The following TRAF3IP2 variants were observed in gnomAD, a reference collection of about 807,000 sequenced individuals.
TRAF3IP2 encodes the protein TRAF3 interacting protein 2, also known as E3 ubiquitin ligase TRAF3IP2.
In TRAF3IP2, 35 loss-of-function variants were observed where a neutral mutation model predicts 57.9. The ratio of observed to expected loss-of-function variants is 0.60; its 90% CI spans 0.46 to 0.80. The LOEUF is 0.80. Among genes scored for constraint, TRAF3IP2 ranks in the 30% least tolerant of loss-of-function variants. The pLI is 0.00. For missense variants in TRAF3IP2, 556 were observed against 706.4 expected, an observed-to-expected ratio of 0.79 and a Z score of 2.41; for synonymous variants, 251 against 268.9, an observed-to-expected ratio of 0.93 and a Z score of 0.65.
chr6:111,600,387 A>C (rs886960918), intron 1 of TRAF3IP2: 2 of 152,230 alleles, frequency 1.3e-5, no homozygotes, highest in African/African-American at 4.8e-5. Context: ...CCTAGGCCAT[A>C]AGCAGGGTAC....
rs1279272695 is a variant in TRAF3IP2, at chr6:111,571,078, CTTTTTTTTT to C, written c.1290+1808_1290+1816del. Among the ~76,000 whole-genome samples the C allele has an allele frequency of 2.3e-5, 3 of 130,762 alleles. No individual in the cohort carries two copies. In the East Asian group the frequency reaches 6.5e-4, roughly 29 times the overall value. The allele number at this position is 130,762 out of a possible 152,430, so 85.8% of individuals were successfully genotyped here. ...CACACCACCATGCCAACTTTTTTTTCTTTTTTTTTTTTTTTGAGACAGAGCCTTGCTCTG... is the reference window on the plus strand; with the variant it reads ...CACACCACCATGCCAACTTTTTTTTCTTTTTTGAGACAGAGCCTTGCTCTG... On this transcript the variant is annotated intron_variant, in intron 5 of 8. Transcript: ENST00000368761.
rs1346472964 is a variant in TRAF3IP2, at chr6:111,556,597, C to A, written c.*2808G>T. On this transcript the variant is annotated 3_prime_UTR_variant, in exon 9 of 9. Transcript: ENST00000368761. Reference sequence around the variant, plus strand: ...GGTTATCCAAATATGAAAGTCAGTTCTACCAGGTCTCAAAACTACGGAACT... The same window carrying A: ...GGTTATCCAAATATGAAAGTCAGTTATACCAGGTCTCAAAACTACGGAACT... 6.6e-6 allele frequency: 1 copy of A among 152,202 alleles called. No homozygotes were observed. The highest frequency in any genetic ancestry group is 1.5e-5 in the Non-Finnish European group (1 of 68,052). The allele number at this position is 152,202 out of a possible 1,614,324, so 9.4% of individuals were successfully genotyped here.
intron 2 of TRAF3IP2, among the ~76,000 whole-genome samples, chr6:111,589,815 C>T (rs1363853628): frequency 6.6e-6 from 1 of 152,152 alleles, no homozygotes; most frequent in Admixed American, 6.5e-5. Flanking sequence ...TACTGTGTTG[C>T]TCTCTTCACT....
intron 5 of TRAF3IP2, among the ~76,000 whole-genome samples, chr6:111,570,061 T>C (rs1308546253): frequency 6.6e-6 from 1 of 152,142 alleles, no homozygotes; most frequent in Non-Finnish European, 1.5e-5. Context: ...AAAGAGGTGA[T>C]ATGTATGGGC....
Position 111,575,744 on chromosome 6 carries a change from G to A in TRAF3IP2, c.1100C>T (p.Pro367Leu), listed in dbSNP as rs1357192749. 1.9e-6 allele frequency: 3 copies of A among 1,612,286 alleles called. No homozygotes were observed. In the East Asian group the frequency reaches 6.7e-5, roughly 36 times the overall value. Residue 367 changes from proline (P) to leucine (L), a missense_variant, in exon 4 of 9, where the codon CCA (proline) becomes CTA (leucine). This residue lies in a region of TRAF3IP2 where 428 missense variants were observed against 498.7 expected (regional missense o/e 0.86). Coordinates refer to ENST00000368761, the MANE Select transcript of TRAF3IP2 (RefSeq NM_147686.4). ...TGGGGACGGAGGCTGGGGAACCTGTGGTCTCAGCTCTGCAGGGCACTCCAA... is the reference window on the plus strand; with the variant it reads ...TGGGGACGGAGGCTGGGGAACCTGTAGTCTCAGCTCTGCAGGGCACTCCAA... ...ESLECPAELR[P>L]QVPQPPSPAA...
chr6:111,561,181 CAA>C (rs35698898), intron 8 of TRAF3IP2, among the ~76,000 whole-genome samples: 1 of 127,874 alleles, frequency 7.8e-6, no homozygotes. Flanking sequence ...GACCCTGTCT[CAA>C]AAAAAAAAAA....
chr6:111,568,077 A>C (rs1795708906), intron 5 of TRAF3IP2, among the ~76,000 whole-genome samples: 1 of 152,222 alleles, frequency 6.6e-6, no homozygotes, highest in African/African-American at 2.4e-5. Flanking sequence ...TAATTCTGGA[A>C]CATTTTAATG....
In TRAF3IP2 at chr6:111,569,581, G is replaced by A. The variant is rs148996412; in HGVS notation, c.1291-1889C>T. Among the ~76,000 whole-genome samples, 82 of 151,972 alleles carry A rather than the reference G, an allele frequency of 5.4e-4. 1 individual carries two copies. The East Asian group carries it at 0.012, about 22-fold the overall frequency. On this transcript the variant is annotated intron_variant, in intron 5 of 8. Coordinates refer to ENST00000368761, the MANE Select transcript of TRAF3IP2 (RefSeq NM_147686.4). ...AGCCTGGCAAACATGGTGAAAACCC[G>A]TCTCTACTAAAAATACAAAAAAAAA...
chr6:111,568,263 G>T (rs1222484943), intron 5 of TRAF3IP2, among the ~76,000 whole-genome samples: 1 of 152,214 alleles, frequency 6.6e-6, no homozygotes. Context: ...TAGGGAAGAG[G>T]TTTATGATGA....
chr6:111,582,233 T>C (rs73764009), intron 2 of TRAF3IP2, among the ~76,000 whole-genome samples: 1,718 of 152,324 alleles, frequency 0.011, 37 homozygotes, highest in African/African-American at 0.038. Context: ...ATTGTCTCCT[T>C]TGACCCATGT....
intron 2 of TRAF3IP2, among the ~76,000 whole-genome samples, chr6:111,583,588 A>C (rs1353078414): frequency 6.6e-6 from 1 of 152,182 alleles, no homozygotes; most frequent in Non-Finnish European, 1.5e-5. Flanking sequence ...ATGATCTGTC[A>C]CTGTCTTCCA....
chr6:111,580,376 G>A lies in TRAF3IP2; in HGVS notation c.843C>T (p.Tyr281=), dbSNP rs1451203205. Residue 281 remains tyrosine (Y), a synonymous_variant, in exon 3 of 9, where the codon TAC becomes TAT. Coordinates refer to ENST00000368761, the MANE Select transcript of TRAF3IP2 (RefSeq NM_147686.4). The part of the protein sequence containing the change: ...PDHQVPYGHD[Y]PRAAYQQVIQ... The stretch of plus-strand genomic sequence containing the variant: ...TCACTTGCTGGTAGGCTGCTCGAGG[G>A]TAGTCATGGCCATCTGTAGGTGAAG... 2 of 1,557,274 alleles carry A rather than the reference G, an allele frequency of 1.3e-6. No individual in the cohort carries two copies. The highest frequency in any genetic ancestry group is 2.3e-5 in the East Asian group (1 of 44,252).
chr6:111,591,283 A>AT lies in TRAF3IP2; in HGVS notation c.803_804insA (p.Gly269TrpfsTer12), dbSNP rs755656184. The stretch of plus-strand genomic sequence containing the variant: ...ATGGCACCTGGTGATCGGGACTTCC[A>AT]GGACAATGGTAATGATAGTTCCATG... On this transcript the variant is annotated frameshift_variant, in exon 2 of 9. Transcript: ENST00000368761. LOFTEE classifies it high-confidence loss of function. The surrounding 1 kb of genome is among the most constrained non-coding windows in gnomAD (Gnocchi z 4.9). 3 of 1,494,528 alleles carry AT rather than the reference A, an allele frequency of 2.0e-6. No homozygotes were observed. The allele number at this position is 1,494,528 out of a possible 1,614,324, so 92.6% of individuals were successfully genotyped here.
At position 111,559,058 on chromosome 6, in the gene TRAF3IP2, C is replaced by T. The variant is rs574924474; in HGVS notation, c.*347G>A. On this transcript the variant is annotated 3_prime_UTR_variant, in exon 9 of 9. Transcript: ENST00000368761. ...TGATTGATAGGAGAGTGTTTGTAGT[C>T]ATTTCCATTTGCTGCCACATCCCTT... The T allele has an allele frequency of 3.3e-5, 7 of 209,822 alleles. No homozygotes were observed. Among genetic ancestry groups the T allele is most frequent in the Admixed American group, 1.6e-4 (3 of 18,488 alleles). 13.0% of individuals were successfully genotyped at this position (209,822 alleles called of 1,614,324 possible).
intron 2 of TRAF3IP2, among the ~76,000 whole-genome samples, chr6:111,582,179 G>C (rs1307803969): frequency 6.6e-6 from 1 of 152,208 alleles, no homozygotes; most frequent in African/African-American, 2.4e-5. Context: ...ATGTGCCCAA[G>C]CTAGTCTCTC....
intron 1 of TRAF3IP2, among the ~76,000 whole-genome samples, chr6:111,596,719 G>T (rs952467334): frequency 6.6e-6 from 1 of 152,204 alleles, no homozygotes; most frequent in Admixed American, 6.5e-5. Flanking sequence ...CTCCCAAAGT[G>T]CTGGGATTAC....
intron 2 of TRAF3IP2, 70 bp from the exon 3 acceptor site, chr6:111,580,459 G>A (rs772306520): frequency 1.3e-5 from 18 of 1,399,224 alleles, no homozygotes; most frequent in Non-Finnish European, 1.6e-5. Flanking sequence ...GGAGTCATAA[G>A]CTCCATGCTC....
At chr6:111,574,331 A>T (rs999813316) in intron 4 of TRAF3IP2, among the ~76,000 whole-genome samples, 8 of 152,252 alleles carry the variant, frequency 5.3e-5, no homozygotes, top group Non-Finnish European at 1.2e-4. Flanking sequence ...TGGAAAATGC[A>T]TATTAGAATT....
intron 3 of TRAF3IP2, among the ~76,000 whole-genome samples, chr6:111,576,123 C>T (rs190809806): frequency 6.6e-6 from 1 of 152,136 alleles, no homozygotes; most frequent in African/African-American, 2.4e-5. Flanking sequence ...ACAAGGTCAC[C>T]AACAAAACAA....
Sources: gnomAD v4.1 joint callset for allele counts (sites outside exome capture counted in the v4.1 genomes callset) on GRCh38, gnomAD v4.1.1 for gene constraint, gnomAD v4.1.1 regional missense constraint, Gnocchi (gnomAD v3.1) non-coding constraint, MANE v1.5 for transcripts, NCBI Gene and HGNC (gene_info 2026-07-23, HGNC 2026-07-21) for gene names.